The following ADGRG7 variants were observed in gnomAD, a reference collection of about 807,000 sequenced individuals.
ADGRG7 encodes the protein G-protein coupled receptor 128.
ADGRG7 carries 82 observed loss-of-function variants against 88.6 expected under a neutral mutation model. That is an observed-to-expected ratio of 0.93 (90% CI 0.77 to 1.11). ADGRG7 has a LOEUF of 1.11. ADGRG7 is among the 50% of genes most tolerant of loss of function. ADGRG7 has a pLI of 0.00. For missense variants in ADGRG7, 945 were observed against 953.4 expected (o/e 0.99, Z 0.12); for synonymous variants, 381 against 345.2 (o/e 1.10, Z -1.15).
At chr3:100,661,424 A>G (rs2094945164) in intron 14 of ADGRG7, among the ~76,000 whole-genome samples, 1 of 152,184 alleles carries the variant, frequency 6.6e-6, no homozygotes, top group South Asian at 2.1e-4. Context: ...TAATGTTAAC[A>G]TTTTATTTAA....
At chr3:100,662,153 C>T (rs868529016) in intron 14 of ADGRG7, among the ~76,000 whole-genome samples, 4 of 152,178 alleles carry the variant, frequency 2.6e-5, no homozygotes, top group Admixed American at 1.3e-4. Context: ...TCCTTAGTAT[C>T]TATATGGGTT....
At chr3:100,687,758 GTGC>G (rs1247866430) in intron 15 of ADGRG7, among the ~76,000 whole-genome samples, 1 of 152,184 alleles carries the variant, frequency 6.6e-6, no homozygotes, top group African/African-American at 2.4e-5. Flanking sequence ...GCTTTCTGAT[GTGC>G]TGCTGGATTC....
chr3:100,646,673 T>C lies in ADGRG7; in HGVS notation c.1215T>C (p.Asp405=). 6.2e-7 allele frequency: 1 copy of C among 1,614,252 alleles called. No individual in the cohort carries two copies. The highest frequency in any genetic ancestry group is 8.5e-7 in the Non-Finnish European group (1 of 1,180,038). ...GCTGTCAAAAAGACAAGGGCACTGATGGATTCCTGCGCTGCCGCTGCAACC... is the reference window on the plus strand; with the variant it reads ...GCTGTCAAAAAGACAAGGGCACTGACGGATTCCTGCGCTGCCGCTGCAACC... ...TYGCQKDKGT[D]GFLRCRCNHT... Residue 405 remains aspartate, a synonymous_variant, in exon 10 of 16, where the codon GAT becomes GAC. Transcript: ENST00000273352.
At chr3:100,624,969 T>G (rs962605036) in intron 1 of ADGRG7, among the ~76,000 whole-genome samples, 33 of 152,236 alleles carry the variant, frequency 2.2e-4, no homozygotes, top group African/African-American at 6.5e-4. Flanking sequence ...TCAGGTAGCA[T>G]GATGCCTCCA....
At position 100,681,180 on chromosome 3, in the gene ADGRG7, A is replaced by G. The variant is rs534700738; in HGVS notation, c.2136+12075A>G. The stretch of plus-strand genomic sequence containing the variant: ...TGAAGATAAACCAAAATGGTGGATA[A>G]AAATAAATTTGTTTGACTTTGGAGA... On this transcript the variant is annotated intron_variant, in intron 15 of 15. Coordinates refer to ENST00000273352, the MANE Select transcript of ADGRG7 (RefSeq NM_032787.3). 8.5e-5 allele frequency among the ~76,000 whole-genome samples: 13 copies of G among 152,234 alleles called. No individual in the cohort carries two copies. The South Asian group carries it at 2.7e-3, about 32-fold the overall frequency.
At chr3:100,664,891 T>C (rs544757972) in intron 14 of ADGRG7, among the ~76,000 whole-genome samples, 84 of 152,338 alleles carry the variant, frequency 5.5e-4, no homozygotes, top group African/African-American at 1.9e-3. Context: ...ATAAAGATGA[T>C]TTCATCTTTG....
chr3:100,686,124 A>G (rs2094982180), intron 15 of ADGRG7, among the ~76,000 whole-genome samples: 1 of 151,762 alleles, frequency 6.6e-6, no homozygotes, highest in Non-Finnish European at 1.5e-5. Flanking sequence ...TCTGATGGCC[A>G]GTGATGATGA....
intron 14 of ADGRG7, among the ~76,000 whole-genome samples, chr3:100,663,462 G>C (rs2094948093): frequency 6.6e-6 from 1 of 151,872 alleles, no homozygotes; most frequent in African/African-American, 2.4e-5. Flanking sequence ...TCTCTCTCTG[G>C]AAATTGGAAT....
chr3:100,623,592 G>T (rs1216168676), intron 1 of ADGRG7, among the ~76,000 whole-genome samples: 1 of 152,100 alleles, frequency 6.6e-6, no homozygotes, highest in Non-Finnish European at 1.5e-5. Flanking sequence ...TTGTAGGTTT[G>T]TTACATAGGT....
chr3:100,639,634 T>C (rs1267613736), intron 6 of ADGRG7, among the ~76,000 whole-genome samples: 2 of 152,014 alleles, frequency 1.3e-5, no homozygotes, highest in Non-Finnish European at 2.9e-5. Flanking sequence ...AGAGCCAGAG[T>C]GGGCTCCCTT....
At chr3:100,618,933 G>A (rs1245184437) in intron 1 of ADGRG7, among the ~76,000 whole-genome samples, 4 of 151,994 alleles carry the variant, frequency 2.6e-5, no homozygotes, top group South Asian at 2.1e-4. Flanking sequence ...GGTCCTTCAC[G>A]TCCTTTGTAA....
At chr3:100,660,205 C>G (rs915616595) in intron 14 of ADGRG7, among the ~76,000 whole-genome samples, 1 of 152,164 alleles carries the variant, frequency 6.6e-6, no homozygotes, top group Non-Finnish European at 1.5e-5. Flanking sequence ...AATGCTGATA[C>G]CTGGATTTTC....
chr3:100,659,980 T>C (rs2094943103), intron 14 of ADGRG7, 137 bp downstream of exon 14: 1 of 736,106 alleles, frequency 1.4e-6, no homozygotes, highest in East Asian at 2.8e-5. Context: ...GAGAGATTTT[T>C]CTCTTACACT....
chr3:100,646,461 A>G (rs911870643), intron 9 of ADGRG7, 108 bp from the exon 10 acceptor site: 5 of 801,310 alleles, frequency 6.2e-6, no homozygotes, highest in Non-Finnish European at 7.9e-6. Flanking sequence ...GCTGATGCTT[A>G]GTATATATTT....
chr3:100,618,253 G>A (rs1007573629), intron 1 of ADGRG7, among the ~76,000 whole-genome samples: 1 of 152,124 alleles, frequency 6.6e-6, no homozygotes, highest in Non-Finnish European at 1.5e-5. Context: ...GGCTTTTGCT[G>A]CCATTGCTTT....
intron 5 of ADGRG7, among the ~76,000 whole-genome samples, chr3:100,636,684 G>C (rs1314066204): frequency 1.3e-5 from 2 of 152,064 alleles, no homozygotes; most frequent in Non-Finnish European, 2.9e-5. Context: ...TAAAAAGTAA[G>C]TGGGATTCAA....
intron 14 of ADGRG7, chr3:100,665,354 C>G (rs1297030906): frequency 3.7e-6 from 2 of 540,652 alleles, no homozygotes; most frequent in Admixed American, 3.9e-5. Flanking sequence ...CCAGTACCAC[C>G]AGGCGTTTAT....
intron 8 of ADGRG7, 120 bp downstream of exon 8, chr3:100,643,753 G>A (rs1002047507): frequency 1.6e-6 from 1 of 631,244 alleles, no homozygotes; most frequent in African/African-American, 1.9e-5. Context: ...ATTTGCATTT[G>A]AGTAAGTTTG....
intron 15 of ADGRG7, among the ~76,000 whole-genome samples, chr3:100,680,091 A>G (rs557129852): frequency 1.3e-5 from 2 of 152,230 alleles, no homozygotes; most frequent in Admixed American, 6.5e-5. Context: ...TTCTCCACCT[A>G]TGATTGAAAA....
Sources: gnomAD v4.1 joint callset for allele counts (sites outside exome capture counted in the v4.1 genomes callset) on GRCh38, gnomAD v4.1.1 for gene constraint, MANE v1.5 for transcripts, NCBI Gene and HGNC (gene_info 2026-07-23, HGNC 2026-07-21) for gene names.